The following PRUNE2 variants were observed in gnomAD, a reference collection of about 807,000 sequenced individuals.
PRUNE2 encodes the protein prune homolog 2 with BCH domain.
Under a neutral mutation model 252.0 loss-of-function variants are expected in PRUNE2, and 164 were observed. The observed-to-expected ratio is 0.65, with a 90% CI of 0.57 to 0.74. The LOEUF is 0.74. Ranked by LOEUF, PRUNE2 falls within the 30% of genes least tolerant of loss-of-function variation. PRUNE2 has a pLI of 0.00. For missense variants in PRUNE2, 3,495 were observed against 3,711.0 expected, an observed-to-expected ratio of 0.94 and a Z score of 1.51; for synonymous variants, 1,292 against 1,350.2, an observed-to-expected ratio of 0.96 and a Z score of 0.94.
In PRUNE2 at chr9:76,709,981, A is replaced by G; in HGVS notation, c.2293T>C (p.Phe765Leu). The change falls in exon 8 of 19, where the codon TTT (phenylalanine) becomes CTT (leucine). Residue 765 changes from phenylalanine to leucine, a missense_variant. By Grantham distance (22) the Phe-to-Leu change is conservative. Coordinates refer to ENST00000376718, the MANE Select transcript of PRUNE2 (RefSeq NM_015225.3). The stretch of plus-strand genomic sequence containing the variant: ...CGACCAGAATGCCACAAAGAAGCAA[A>G]GTCTTCTATCAGGTGGTTTGTTCCT... Reference protein sequence around the residue: ...PQGTNHLIEDFASLWHSGRSP... With the variant: ...PQGTNHLIEDLASLWHSGRSP... 1 of 1,613,774 alleles carries G rather than the reference A, an allele frequency of 6.2e-7. No homozygotes were observed.
At chr9:76,889,785 C>T (rs2062352644) in intron 1 of PRUNE2, among the ~76,000 whole-genome samples, 1 of 152,280 alleles carries the variant, frequency 6.6e-6, no homozygotes, top group Non-Finnish European at 1.5e-5. Context: ...AGCTGTGCAG[C>T]CCCCTCAGAT....
intron 6 of PRUNE2, among the ~76,000 whole-genome samples, chr9:76,730,785 C>G (rs907674566): frequency 6.6e-6 from 1 of 152,178 alleles, no homozygotes; most frequent in Non-Finnish European, 1.5e-5. Flanking sequence ...CGCCTGTAAT[C>G]CCAGCTATTC....
rs1415174833 is a variant in PRUNE2 at position 76,713,602 on chromosome 9, C to G, written c.876G>C (p.Gln292His). ...CCATGTTTTCTGAGTACACAGCAAT[C>G]TGTCGTCTCGGCTGCTGCTCCTCTG... is the stretch of plus-strand genomic sequence containing the variant. ...YLSEEQQPRR[Q>H]IAVYSENMEL... Residue 292 changes from glutamine to histidine, a missense_variant, in exon 7 of 19, where the codon CAG becomes CAC. Transcript: ENST00000376718. The G allele has an allele frequency of 2.5e-6, 4 of 1,608,820 alleles. No homozygotes were observed. In the South Asian group the frequency reaches 4.5e-5, roughly 18 times the overall value.
At chr9:76,900,592 C>T (rs145947217) in intron 1 of PRUNE2, among the ~76,000 whole-genome samples, 2 of 152,286 alleles carry the variant, frequency 1.3e-5, no homozygotes, top group African/African-American at 2.4e-5. Context: ...CATAGGAATG[C>T]TGCCTCCTGA....
Position 76,758,415 on chromosome 9 carries a change from G to A in PRUNE2, c.757-44694C>T, listed in dbSNP as rs375416521. The A allele has an allele frequency of 5.3e-5, 8 of 152,252 alleles. No individual in the cohort carries two copies. The East Asian group carries it at 1.2e-3, about 22-fold the overall frequency. The allele number at this position is 152,252 out of a possible 1,614,324, so 9.4% of individuals were successfully genotyped here. On this transcript the variant is annotated intron_variant, in intron 6 of 18. Transcript: ENST00000376718. The stretch of plus-strand genomic sequence containing the variant: ...GTTTCCTTGCTTAGTGCTGCAGAGA[G>A]TTGCAGAAGAATCAAGTGGGAATAA...
At chr9:76,762,662 T>A (rs935966342) in intron 6 of PRUNE2, among the ~76,000 whole-genome samples, 3 of 152,282 alleles carry the variant, frequency 2.0e-5, no homozygotes, top group East Asian at 3.9e-4. Flanking sequence ...AGAATGACTG[T>A]CTGTGGCTCC....
chr9:76,896,637 T>C (rs1223156065), intron 1 of PRUNE2, among the ~76,000 whole-genome samples: 1 of 152,170 alleles, frequency 6.6e-6, no homozygotes, highest in Non-Finnish European at 1.5e-5. Context: ...CCTTCACTTC[T>C]GTGTGTATCG....
chr9:76,674,467 C>T (rs1344996562), intron 9 of PRUNE2, among the ~76,000 whole-genome samples: 5 of 152,170 alleles, frequency 3.3e-5, no homozygotes, highest in South Asian at 2.1e-4. Flanking sequence ...GAATCAATAT[C>T]GTGAAAATGG....
chr9:76,786,462 C>A (rs563200801), intron 6 of PRUNE2: 1 of 152,502 alleles, frequency 6.6e-6, no homozygotes, highest in African/African-American at 2.4e-5. Flanking sequence ...TCAAGGAAAC[C>A]AGTGTCATGA....
chr9:76,628,850 A>G (rs1184280824), intron 16 of PRUNE2, among the ~76,000 whole-genome samples: 2 of 132,774 alleles, frequency 1.5e-5, no homozygotes, highest in East Asian at 4.1e-4. Flanking sequence ...CCAAACACAC[A>G]CTTTTTTTTT....
intron 1 of PRUNE2, among the ~76,000 whole-genome samples, chr9:76,875,051 A>G (rs1320224204): frequency 6.6e-6 from 1 of 152,014 alleles, no homozygotes; most frequent in Admixed American, 6.6e-5. Context: ...CACACACCCC[A>G]GTGTGTTTCA....
chr9:76,801,293 G>A (rs773295609), intron 6 of PRUNE2, among the ~76,000 whole-genome samples: 2 of 152,106 alleles, frequency 1.3e-5, no homozygotes, highest in South Asian at 2.1e-4. Flanking sequence ...AAACTGATTA[G>A]CAGTAAAGAA....
chr9:76,701,920 C>T (rs181093199), intron 9 of PRUNE2, among the ~76,000 whole-genome samples: 10 of 152,276 alleles, frequency 6.6e-5, no homozygotes, highest in Admixed American at 6.5e-4. Context: ...ATGAGAAAAC[C>T]TAAGCCTGGG....
At chr9:76,804,973 G>A (rs1005984516) in intron 6 of PRUNE2, among the ~76,000 whole-genome samples, 1 of 152,214 alleles carries the variant, frequency 6.6e-6, no homozygotes, top group Non-Finnish European at 1.5e-5. Context: ...TGTAATTCCA[G>A]CACTTTGGGA....
chr9:76,784,630 A>T (rs2054780203), intron 6 of PRUNE2: 1 of 152,240 alleles, frequency 6.6e-6, no homozygotes, highest in South Asian at 2.1e-4. Context: ...TACACTGTAG[A>T]ATAACATTAC....
rs77750700 is a variant in PRUNE2, at chr9:76,863,550, T to C, written c.37-9342A>G. On this transcript the variant is annotated intron_variant, in intron 1 of 18. Coordinates refer to ENST00000376718, the MANE Select transcript of PRUNE2 (RefSeq NM_015225.3). ...TAAAAAACTATTTTGTTTTCTGGCC[T>C]TGGGCATTATGGAACAACTTGTTCA... 1.3e-3 allele frequency among the ~76,000 whole-genome samples: 193 copies of C among 152,364 alleles called. 2 individuals are homozygous for C. The East Asian group carries it at 0.013, about 11-fold the overall frequency.
rs542143496 is a variant in PRUNE2, at chr9:76,617,469, T to C, written c.9236+1871A>G. Reference sequence around the variant, plus strand: ...TGCCAGAAGAAGTAAATGCAGCCCTTATTCTAATACCAAAGAAAGCCAGAA... The same window carrying C: ...TGCCAGAAGAAGTAAATGCAGCCCTCATTCTAATACCAAAGAAAGCCAGAA... On this transcript the variant is annotated intron_variant, in intron 18 of 18. Transcript: ENST00000376718. Among the ~76,000 whole-genome samples the C allele has an allele frequency of 2.0e-5, 3 of 151,702 alleles. No individual in the cohort carries two copies. The South Asian group carries it at 6.2e-4, about 32-fold the overall frequency.
intron 9 of PRUNE2, among the ~76,000 whole-genome samples, chr9:76,674,832 A>G (rs1403010411): frequency 1.5e-4 from 18 of 116,664 alleles, no homozygotes; most frequent in Non-Finnish European, 3.3e-4. Context: ...CCTATTTAAT[A>G]AATGGTGCTG....
intron 3 of PRUNE2, among the ~76,000 whole-genome samples, chr9:76,848,925 C>T (rs887943351): frequency 2.6e-5 from 4 of 152,124 alleles, no homozygotes; most frequent in Admixed American, 1.3e-4. Context: ...GGCAGGGTCT[C>T]GCTCTGTCAT....
Sources: gnomAD v4.1 joint callset for allele counts (sites outside exome capture counted in the v4.1 genomes callset) on GRCh38, gnomAD v4.1.1 for gene constraint, MANE v1.5 for transcripts, NCBI Gene and HGNC (gene_info 2026-07-23, HGNC 2026-07-21) for gene names.